Variants in AP3S2 observed in about 807,000 individuals in gnomAD.
AP3S2 encodes AP-3 complex subunit sigma-2.
Under a neutral mutation model 23.4 loss-of-function variants are expected in AP3S2, and 22 were observed. The observed-to-expected ratio is 0.94, with a 90% CI of 0.67 to 1.34. AP3S2 has a LOEUF of 1.34. Ranked by LOEUF, AP3S2 falls within the 40% of genes most tolerant of loss-of-function variation. The pLI is 0.00. For synonymous variants in AP3S2, 86 were observed against 87.1 expected, an observed-to-expected ratio of 0.99 and a Z score of 0.07; for missense variants, 241 against 236.9, an observed-to-expected ratio of 1.02 and a Z score of -0.11.
intron 4 of AP3S2, among the ~76,000 whole-genome samples, chr15:89,864,819 G>C (rs1193119187): frequency 6.6e-6 from 1 of 152,116 alleles, no homozygotes; most frequent in Non-Finnish European, 1.5e-5. Context: ...TGGGATTATA[G>C]GCATTAGCCA....
At chr15:89,869,389 C>A (rs1240708189) in intron 4 of AP3S2, among the ~76,000 whole-genome samples, 1 of 148,652 alleles carries the variant, frequency 6.7e-6, no homozygotes, top group Non-Finnish European at 1.5e-5. Flanking sequence ...CGTTAAGAGT[C>A]ATCACCAATC....
At position 89,835,366 on chromosome 15, in the gene AP3S2, C is replaced by G; in HGVS notation, c.*149G>C. On this transcript the variant is annotated 3_prime_UTR_variant, in exon 6 of 6. Coordinates refer to ENST00000336418, the MANE Select transcript of AP3S2 (RefSeq NM_005829.5). The stretch of plus-strand genomic sequence containing the variant: ...TGTCAATAGGAATCCCTTCCCTATT[C>G]CATGCCAAACAGTCTTCCCCAGACA... 1 of 1,378,098 alleles carries G rather than the reference C, an allele frequency of 7.3e-7. No homozygotes were observed. The highest frequency in any genetic ancestry group is 2.3e-5 in the East Asian group (1 of 43,156). The allele number at this position is 1,378,098 out of a possible 1,614,324, so 85.4% of individuals were successfully genotyped here.
At chr15:89,881,249 T>C (rs1463566307) in intron 3 of AP3S2, among the ~76,000 whole-genome samples, 1 of 152,184 alleles carries the variant, frequency 6.6e-6, no homozygotes, top group Non-Finnish European at 1.5e-5. Context: ...CCGGACCATG[T>C]TGGGCCTTAC....
At chr15:89,865,202 G>C (rs1003230205) in intron 4 of AP3S2, among the ~76,000 whole-genome samples, 1 of 151,762 alleles carries the variant, frequency 6.6e-6, no homozygotes, top group Admixed American at 6.6e-5. Context: ...GGCCCTGGAA[G>C]GCTGTGTGTC....
intron 4 of AP3S2, among the ~76,000 whole-genome samples, chr15:89,840,514 G>A (rs1273204734): frequency 1.3e-5 from 2 of 152,044 alleles, no homozygotes; most frequent in East Asian, 1.9e-4. Context: ...TGCAACCTCC[G>A]CCTCCTGGGT....
At chr15:89,867,603 T>A (rs1261696593) in intron 4 of AP3S2, among the ~76,000 whole-genome samples, 1 of 128,100 alleles carries the variant, frequency 7.8e-6, no homozygotes, top group Non-Finnish European at 1.7e-5. Context: ...ATCTAGGAAG[T>A]GAGGAGCGTC....
At chr15:89,851,959 T>C (rs576045917) in intron 4 of AP3S2, among the ~76,000 whole-genome samples, 1 of 152,346 alleles carries the variant, frequency 6.6e-6, no homozygotes, top group East Asian at 1.9e-4. Flanking sequence ...AATTTCATCC[T>C]TCCTTGGTTG....
intron 4 of AP3S2, chr15:89,848,655 C>G (rs1390583027): frequency 6.6e-6 from 1 of 152,248 alleles, no homozygotes; most frequent in Non-Finnish European, 1.5e-5. Flanking sequence ...CGTGGCATAG[C>G]TGGTTTCATT....
At chr15:89,889,985 CTG>C (rs1896783669) in intron 1 of AP3S2, among the ~76,000 whole-genome samples, 1 of 151,626 alleles carries the variant, frequency 6.6e-6, no homozygotes, top group African/African-American at 2.4e-5. Context: ...ATATAAGATG[CTG>C]TGTTACTCAC....
chr15:89,843,363 C>T (rs1425645067), intron 4 of AP3S2, among the ~76,000 whole-genome samples: 1 of 151,528 alleles, frequency 6.6e-6, no homozygotes, highest in African/African-American at 2.4e-5. Context: ...CAGGGCCAGG[C>T]CTGGTGGCTC....
chr15:89,844,951 G>T (rs1895450001), intron 4 of AP3S2, among the ~76,000 whole-genome samples: 1 of 151,754 alleles, frequency 6.6e-6, no homozygotes, highest in Non-Finnish European at 1.5e-5. Context: ...CTGTTGCCCA[G>T]CTGGAGTGCA....
intron 3 of AP3S2, chr15:89,878,421 T>G: frequency 2.1e-6 from 1 of 487,132 alleles, no homozygotes; most frequent in Non-Finnish European, 3.6e-6. Context: ...CAAATGAGCC[T>G]TTTGAAAAGT....
At chr15:89,888,727 A>C in intron 2 of AP3S2, 95 bp from the exon 3 acceptor site, 1 of 1,322,294 alleles carries the variant, frequency 7.6e-7, no homozygotes, top group Non-Finnish European at 1.0e-6. Flanking sequence ...CCCACTGGAA[A>C]GGAGAAGGCC....
rs940042418 is a variant in AP3S2, at chr15:89,830,950, C to CTTTG, written c.*4561_*4564dup. 1 of 148,638 alleles carries CTTTG rather than the reference C, an allele frequency of 6.7e-6. No homozygotes were observed. Among genetic ancestry groups the CTTTG allele is most frequent in the Non-Finnish European group, 1.5e-5 (1 of 67,560 alleles). 9.2% of individuals were successfully genotyped at this position (148,638 alleles called of 1,614,324 possible). On this transcript the variant is annotated 3_prime_UTR_variant, in exon 6 of 6. Transcript: ENST00000336418. ...GACATCCCTAACACAAATCCAGGGA[C>CTTTG]TTTGTTTCTTAACCTTAAAATTGGA...
intron 3 of AP3S2, among the ~76,000 whole-genome samples, chr15:89,888,079 CTTAAG>C (rs1337795345): frequency 6.6e-6 from 1 of 152,194 alleles, no homozygotes; most frequent in African/African-American, 2.4e-5. Context: ...ATTGTTGTTA[CTTAAG>C]TTTTCAATGT....
Position 89,835,584 on chromosome 15 carries a change from T to C in AP3S2, c.513A>G (p.Pro171=). The C allele has an allele frequency of 6.2e-7, 1 of 1,613,594 alleles. No individual in the cohort carries two copies. The highest frequency in any genetic ancestry group is 8.5e-7 in the Non-Finnish European group (1 of 1,179,954). The change falls in exon 6 of 6, where the codon CCA becomes CCG. Residue 171 remains proline (P), a synonymous_variant. Transcript: ENST00000336418. ...AVSAVKNINL[P]EIPRNINIGD... ...CAATGTTGATGTTCCGAGGAATCTC[T>C]GGCAGGTTGATGTTTTTCACAGCAG... is the stretch of plus-strand genomic sequence containing the variant.
intron 3 of AP3S2, among the ~76,000 whole-genome samples, chr15:89,882,642 A>T (rs1438736117): frequency 6.6e-6 from 1 of 152,220 alleles, no homozygotes; most frequent in African/African-American, 2.4e-5. Context: ...TACCGGCGTG[A>T]CCCACTGTGC....
intron 4 of AP3S2, among the ~76,000 whole-genome samples, chr15:89,851,437 C>G (rs1862331446): frequency 1.3e-5 from 2 of 152,222 alleles, no homozygotes; most frequent in South Asian, 4.1e-4. Flanking sequence ...CTCCTGCGTT[C>G]AAGCAATTCT....
At chr15:89,883,400 CCTT>C (rs754962779) in intron 3 of AP3S2, among the ~76,000 whole-genome samples, 2 of 151,826 alleles carry the variant, frequency 1.3e-5, no homozygotes, top group Non-Finnish European at 2.9e-5. Context: ...AAAAGATACT[CCTT>C]TTTTTTTTTT....
Sources: gnomAD v4.1 joint callset for allele counts (sites outside exome capture counted in the v4.1 genomes callset) on GRCh38, gnomAD v4.1.1 for gene constraint, MANE v1.5 for transcripts, NCBI Gene and HGNC (gene_info 2026-07-23, HGNC 2026-07-21) for gene names.